SORCS3: variants seen among roughly 807,000 people sequenced by gnomAD.
SORCS3 encodes VPS10 domain-containing receptor SorCS3.
Under a neutral mutation model 146.3 loss-of-function variants are expected in SORCS3, and 57 were observed. The observed-to-expected ratio is 0.39, with a 90% CI of 0.31 to 0.49. The LOEUF is 0.49. SORCS3 is among the 20% of genes least tolerant of loss of function. The probability of loss-of-function intolerance (pLI) is 0.92; values close to 1 mark genes in which losing one functional copy is unlikely to be tolerated. For missense variants in SORCS3, 1,341 were observed against 1,575.5 expected, an observed-to-expected ratio of 0.85 and a Z score of 2.52; for synonymous variants, 653 against 618.5, an observed-to-expected ratio of 1.06 and a Z score of -0.83.
At chr10:104,962,424 A>G (rs1439386025) in intron 3 of SORCS3, among the ~76,000 whole-genome samples, 1 of 152,182 alleles carries the variant, frequency 6.6e-6, no homozygotes, top group African/African-American at 2.4e-5. Flanking sequence ...ATTCCATATC[A>G]GAGCTGGGCT....
chr10:105,128,334 G>A (rs1306464383), intron 7 of SORCS3, among the ~76,000 whole-genome samples: 4 of 152,028 alleles, frequency 2.6e-5, no homozygotes, highest in East Asian at 1.9e-4. Flanking sequence ...GCTTAAATCC[G>A]TCTACTGTTG....
intron 1 of SORCS3, among the ~76,000 whole-genome samples, chr10:104,687,135 A>G (rs1483549253): frequency 7.2e-5 from 11 of 152,134 alleles, no homozygotes; most frequent in Admixed American, 7.2e-4. Flanking sequence ...CCATACATCC[A>G]TGCATTCATC....
At chr10:105,170,316 G>C (rs2056348523) in intron 13 of SORCS3, among the ~76,000 whole-genome samples, 1 of 152,014 alleles carries the variant, frequency 6.6e-6, no homozygotes, top group Non-Finnish European at 1.5e-5. Flanking sequence ...TATTTATGTA[G>C]GACCAAATCA....
intron 1 of SORCS3, among the ~76,000 whole-genome samples, chr10:104,839,094 C>A (rs1306710228): frequency 3.3e-5 from 5 of 152,184 alleles, no homozygotes; most frequent in Admixed American, 6.5e-5. Flanking sequence ...ATATCAATAT[C>A]TTTCATTTAC....
intron 1 of SORCS3, among the ~76,000 whole-genome samples, chr10:104,781,993 C>CT (rs1177409816): frequency 6.6e-6 from 1 of 152,210 alleles, no homozygotes; most frequent in African/African-American, 2.4e-5. Flanking sequence ...TTTGTATCTA[C>CT]TTATAGAACG....
At chr10:104,811,126 T>G (rs1376928206) in intron 1 of SORCS3, among the ~76,000 whole-genome samples, 1 of 152,152 alleles carries the variant, frequency 6.6e-6, no homozygotes. Context: ...AAGTACCATA[T>G]AGGAAGGGAA....
chr10:104,869,441 T>G (rs1291859378), intron 2 of SORCS3, among the ~76,000 whole-genome samples: 1 of 152,212 alleles, frequency 6.6e-6, no homozygotes, highest in Non-Finnish European at 1.5e-5. Context: ...TCACTCACAT[T>G]GAAGAGGGCC....
intron 3 of SORCS3, among the ~76,000 whole-genome samples, chr10:104,930,063 AAAT>A (rs1171573130): frequency 2.0e-5 from 3 of 152,234 alleles, no homozygotes; most frequent in Non-Finnish European, 4.4e-5. Flanking sequence ...AATGGCAGAG[AAAT>A]AATTCAATGA....
intron 2 of SORCS3, among the ~76,000 whole-genome samples, chr10:104,893,637 G>A (rs1437582084): frequency 1.3e-5 from 2 of 152,162 alleles, no homozygotes; most frequent in East Asian, 3.9e-4. Context: ...ACCTTTAACT[G>A]GTCCTTTGTA....
At chr10:105,061,422 G>A (rs1434092634) in intron 5 of SORCS3, among the ~76,000 whole-genome samples, 4 of 151,050 alleles carry the variant, frequency 2.6e-5, no homozygotes, top group African/African-American at 4.9e-5. Context: ...AGCCTCCCAA[G>A]TAGCTGAGAC....
intron 7 of SORCS3, among the ~76,000 whole-genome samples, chr10:105,134,448 T>G (rs2056044058): frequency 6.6e-6 from 1 of 151,896 alleles, no homozygotes; most frequent in Non-Finnish European, 1.5e-5. Context: ...AGCCCAAGAT[T>G]AAGGCACCAG....
chr10:105,130,980 G>A (rs2133772283), intron 7 of SORCS3, among the ~76,000 whole-genome samples: 1 of 152,240 alleles, frequency 6.6e-6, no homozygotes, highest in South Asian at 2.1e-4. Flanking sequence ...GCTCAAGATG[G>A]CAGAAGCAAC....
chr10:105,228,786 G>A (rs147703656), intron 20 of SORCS3, among the ~76,000 whole-genome samples: 17 of 152,098 alleles, frequency 1.1e-4, no homozygotes, highest in African/African-American at 3.9e-4. Context: ...TTCTGTATTT[G>A]TCTTTGACTT....
At chr10:104,846,896 T>A (rs1458795160) in intron 2 of SORCS3, among the ~76,000 whole-genome samples, 2 of 152,184 alleles carry the variant, frequency 1.3e-5, no homozygotes, top group South Asian at 4.1e-4. Context: ...AGGCTGAGAT[T>A]AGGAGCACTC....
intron 1 of SORCS3, among the ~76,000 whole-genome samples, chr10:104,755,550 A>G (rs1417016769): frequency 6.6e-6 from 1 of 152,224 alleles, no homozygotes; most frequent in Non-Finnish European, 1.5e-5. Flanking sequence ...GTTAAGGAAA[A>G]CCTAGATGAA....
At chr10:105,153,887 G>A (rs1167424634) in intron 9 of SORCS3, among the ~76,000 whole-genome samples, 1 of 151,644 alleles carries the variant, frequency 6.6e-6, no homozygotes, top group East Asian at 1.9e-4. Context: ...TGGCCAACAT[G>A]GTGAAACCCC....
chr10:105,112,348 T>A (rs11192320), intron 7 of SORCS3, among the ~76,000 whole-genome samples: 1 of 152,020 alleles, frequency 6.6e-6, no homozygotes, highest in Non-Finnish European at 1.5e-5. Context: ...ATTGAAATGA[T>A]GATTAGGACG....
chr10:105,078,850 G>A (rs1253017438), intron 5 of SORCS3, among the ~76,000 whole-genome samples: 2 of 152,214 alleles, frequency 1.3e-5, no homozygotes, highest in African/African-American at 4.8e-5. Flanking sequence ...CAGTGACTGA[G>A]TGATGGAGCC....
intron 1 of SORCS3, among the ~76,000 whole-genome samples, chr10:104,838,692 A>G (rs539001257): frequency 2.4e-4 from 36 of 152,242 alleles, no homozygotes; most frequent in African/African-American, 8.7e-4. Flanking sequence ...GTGTTTTGCT[A>G]GATTAGAATC....
Sources: allele counts gnomAD v4.1 joint callset (sites outside exome capture counted in the v4.1 genomes callset), GRCh38; gene constraint gnomAD v4.1.1; transcripts MANE v1.5; gene names NCBI Gene and HGNC (gene_info 2026-07-23, HGNC 2026-07-21).